Variants in CTNNA2 observed in about 807,000 individuals in gnomAD.
CTNNA2 encodes catenin alpha-2.
Under a neutral mutation model 101.0 loss-of-function variants are expected in CTNNA2, and 42 were observed. The observed-to-expected ratio is 0.42, with a 90% confidence interval of 0.32 to 0.54. The LOEUF (loss-of-function observed/expected upper bound fraction) is 0.54. Among genes scored for constraint, CTNNA2 ranks in the 20% least tolerant of loss-of-function variants. The pLI, the probability that CTNNA2 is intolerant of heterozygous loss-of-function variation, is 0.14. For synonymous variants in CTNNA2, 450 were observed against 456.4 expected, an observed-to-expected ratio of 0.99 and a Z score of 0.18; for missense variants, 871 against 1,223.1, an observed-to-expected ratio of 0.71 and a Z score of 4.29.
intron 2 of CTNNA2, among the ~76,000 whole-genome samples, chr2:79,294,929 T>A (rs1486235520): frequency 1.3e-5 from 2 of 152,164 alleles, no homozygotes; most frequent in African/African-American, 2.4e-5. Context: ...TCTACTGATT[T>A]GCTATTGTAT....
chr2:80,420,072 C>A (rs1488474019), intron 9 of CTNNA2, among the ~76,000 whole-genome samples: 1 of 147,350 alleles, frequency 6.8e-6, no homozygotes, highest in African/African-American at 2.5e-5. Flanking sequence ...AACCCACCTT[C>A]CCCAAAGAGA....
At chr2:79,417,309 A>T (rs1351384765) in intron 4 of CTNNA2, among the ~76,000 whole-genome samples, 1 of 152,192 alleles carries the variant, frequency 6.6e-6, no homozygotes, top group African/African-American at 2.4e-5. Flanking sequence ...GACTGGGAAT[A>T]AAAACATTAC....
chr2:80,621,506 C>T (rs1332021831), intron 18 of CTNNA2, among the ~76,000 whole-genome samples: 1 of 151,810 alleles, frequency 6.6e-6, no homozygotes, highest in African/African-American at 2.4e-5. Context: ...AAATTGATAC[C>T]TGAAGAGAGG....
Position 79,751,508 on chromosome 2 carries a change from A to G in CTNNA2, c.298+6926A>G, listed in dbSNP as rs559434994. Among the ~76,000 whole-genome samples, 4 of 150,080 alleles carry G rather than the reference A, an allele frequency of 2.7e-5. No homozygotes were observed. In the South Asian group the frequency reaches 8.6e-4, roughly 32 times the overall value. ...ATAGGCGGGAGGCTGAGGCAGTAGAATCACTTGAACCTGGGAGGCGGAGGT... is the reference window on the plus strand; with the variant it reads ...ATAGGCGGGAGGCTGAGGCAGTAGAGTCACTTGAACCTGGGAGGCGGAGGT... On this transcript the variant is annotated intron_variant, in intron 3 of 18. Transcript: ENST00000402739.
intron 12 of CTNNA2, among the ~76,000 whole-genome samples, chr2:80,567,351 C>T (rs768494523): frequency 7.9e-5 from 12 of 151,092 alleles, no homozygotes; most frequent in Non-Finnish European, 4.4e-5. Context: ...GGGGTAGTTT[C>T]TACTTCTACA....
At chr2:80,558,486 G>GTGTGTA (rs1553386818) in intron 12 of CTNNA2, among the ~76,000 whole-genome samples, 14 of 61,736 alleles carry the variant, frequency 2.3e-4, no homozygotes, top group African/African-American at 4.6e-4. Flanking sequence ...GTGTGTGTGT[G>GTGTGTA]TATATATATA....
chr2:79,679,470 A>G (rs940066987), intron 2 of CTNNA2, among the ~76,000 whole-genome samples: 4 of 151,786 alleles, frequency 2.6e-5, no homozygotes, highest in African/African-American at 4.8e-5. Context: ...ACCTTTCACC[A>G]TGGCGGTCAT....
At chr2:79,287,409 A>T (rs924182409) in intron 2 of CTNNA2, among the ~76,000 whole-genome samples, 5 of 152,066 alleles carry the variant, frequency 3.3e-5, no homozygotes, top group Non-Finnish European at 5.9e-5. Context: ...GTCTTTGACG[A>T]TGGTGATGTA....
At chr2:79,626,708 G>A (rs1679334352) in intron 1 of CTNNA2, among the ~76,000 whole-genome samples, 1 of 151,014 alleles carries the variant, frequency 6.6e-6, no homozygotes, top group Non-Finnish European at 1.5e-5. Flanking sequence ...AATCTGGAAA[G>A]CTAAACAGGG....
At chr2:80,556,746 G>A (rs1392521333) in intron 12 of CTNNA2, among the ~76,000 whole-genome samples, 1 of 152,200 alleles carries the variant, frequency 6.6e-6, no homozygotes, top group Non-Finnish European at 1.5e-5. Context: ...AGGAATGAGA[G>A]GAAACTAGGG....
rs1413352878 is a variant in CTNNA2 at position 80,208,102 on chromosome 2, T to C, written c.1057-185109T>C. ...TTATTGCTTAAGCAAGACCAATCCC[T>C]GTGCTAGGGTACTTTGCCAAGGTTT... On this transcript the variant is annotated intron_variant, in intron 7 of 18. Transcript: ENST00000402739. Among the ~76,000 whole-genome samples, 11 of 152,344 alleles carry C rather than the reference T, an allele frequency of 7.2e-5. No homozygotes were observed. In the East Asian group the frequency reaches 2.1e-3, roughly 29 times the overall value.
At chr2:79,736,955 TG>T (rs1670925151) in intron 2 of CTNNA2, among the ~76,000 whole-genome samples, 1 of 152,180 alleles carries the variant, frequency 6.6e-6, no homozygotes. Flanking sequence ...ATAGAGGAGA[TG>T]CTTTCCCACC....
chr2:79,787,695 C>T (rs1420768794), intron 3 of CTNNA2, among the ~76,000 whole-genome samples: 4 of 151,874 alleles, frequency 2.6e-5, no homozygotes, highest in South Asian at 2.1e-4. Flanking sequence ...TTTTAGAGGC[C>T]ACTGCATTCC....
At chr2:80,001,285 G>A (rs866962387) in intron 7 of CTNNA2, among the ~76,000 whole-genome samples, 1 of 152,216 alleles carries the variant, frequency 6.6e-6, no homozygotes. Context: ...TATTTCTCTA[G>A]GGTTATGGCC....
chr2:80,574,749 T>G (rs1357777848), intron 13 of CTNNA2, among the ~76,000 whole-genome samples: 3 of 152,126 alleles, frequency 2.0e-5, no homozygotes, highest in African/African-American at 7.2e-5. Flanking sequence ...ATAATTACAT[T>G]CTCTTTGTAT....
intron 1 of CTNNA2, among the ~76,000 whole-genome samples, chr2:79,605,820 C>T (rs560991587): frequency 5.7e-4 from 86 of 152,100 alleles, no homozygotes; most frequent in African/African-American, 2.0e-3. Flanking sequence ...GCTCAGAAGG[C>T]TGAGGGGCTG....
chr2:80,192,746 C>T (rs1428019531), intron 7 of CTNNA2, among the ~76,000 whole-genome samples: 4 of 152,210 alleles, frequency 2.6e-5, no homozygotes, highest in Non-Finnish European at 5.9e-5. Context: ...AACTCCTGAA[C>T]TTGTGATCCA....
chr2:79,880,944 A>G (rs1410266799), intron 6 of CTNNA2, among the ~76,000 whole-genome samples: 1 of 151,978 alleles, frequency 6.6e-6, no homozygotes, highest in Non-Finnish European at 1.5e-5. Flanking sequence ...TAGCTCTCTG[A>G]TGTGGGCATT....
chr2:79,528,208 TTTTC>T (rs545134153), intron 1 of CTNNA2, among the ~76,000 whole-genome samples: 3,565 of 149,792 alleles, frequency 0.024, 124 homozygotes, highest in African/African-American at 0.082. Flanking sequence ...TTTTCTTTTC[TTTTC>T]TTTTTTTTTT....
Sources: gnomAD v4.1 joint callset for allele counts (sites outside exome capture counted in the v4.1 genomes callset) on GRCh38, gnomAD v4.1.1 for gene constraint, MANE v1.5 for transcripts, NCBI Gene and HGNC (gene_info 2026-07-23, HGNC 2026-07-21) for gene names.